Variants in SLC38A8 observed in about 807,000 individuals in gnomAD.
The protein encoded by SLC38A8 is amino acid transporter SLC38A8.
In SLC38A8, 65 loss-of-function variants were observed where a neutral mutation model predicts 46.0. The observed-to-expected ratio is 1.41, with a 90% CI of 1.16 to 1.74. SLC38A8 has a LOEUF of 1.74. Ranked by LOEUF, SLC38A8 falls within the 40% of genes most tolerant of loss-of-function variation. The pLI is 0.00. For missense variants in SLC38A8, 998 were observed against 567.9 expected (o/e 1.76, Z -7.70); for synonymous variants, 447 against 243.7 (o/e 1.83, Z -7.77).
chr16:84,036,921 C>G, intron 2 of SLC38A8, 21 bp from the exon 3 acceptor site: 3 of 1,595,112 alleles, frequency 1.9e-6, no homozygotes. Flanking sequence ...GGAGCAGGAC[C>G]TGGAACTGGG....
chr16:84,024,454 C>T (rs765714037), intron 6 of SLC38A8, among the ~76,000 whole-genome samples: 2 of 151,902 alleles, frequency 1.3e-5, no homozygotes, highest in Non-Finnish European at 2.9e-5. Context: ...GCTGAGATTA[C>T]AAGTACGAGC....
intron 9 of SLC38A8, among the ~76,000 whole-genome samples, chr16:84,015,074 G>A (rs1478846908): frequency 6.6e-6 from 1 of 152,126 alleles, no homozygotes; most frequent in East Asian, 1.9e-4. Context: ...GGGGATACCT[G>A]GCTAAGGGTC....
chr16:84,037,458 G>A (rs957306687), intron 2 of SLC38A8, among the ~76,000 whole-genome samples: 1 of 152,206 alleles, frequency 6.6e-6, no homozygotes, highest in Non-Finnish European at 1.5e-5. Flanking sequence ...CAGCGTGTCA[G>A]TGCTCAAGAA....
chr16:84,013,930 G>A (rs959856002), intron 9 of SLC38A8, among the ~76,000 whole-genome samples: 4 of 152,114 alleles, frequency 2.6e-5, no homozygotes, highest in East Asian at 1.9e-4. Context: ...TGTGAGGGAG[G>A]AGCCACGTGG....
Position 84,022,866 on chromosome 16 carries a change from G to A in SLC38A8, c.714C>T (p.Ile238=). ...GGCTCCGTTTGCGCATGCTGCAGTA[G>A]ATGGAGACGGCAGCTTCGTGACACT... ...GFQCHEAAVS[I]YCSMRKRSLS... Residue 238 remains isoleucine, a synonymous_variant, in exon 7 of 11, where the codon ATC becomes ATT. Coordinates refer to ENST00000299709, the MANE Select transcript of SLC38A8 (RefSeq NM_001080442.3). The A allele has an allele frequency of 6.2e-7, 1 of 1,607,822 alleles. No individual in the cohort carries two copies. Among genetic ancestry groups the A allele is most frequent in the Non-Finnish European group, 8.5e-7 (1 of 1,177,744 alleles).
At chr16:84,011,648 G>A (rs908230554) in intron 10 of SLC38A8, among the ~76,000 whole-genome samples, 1 of 152,220 alleles carries the variant, frequency 6.6e-6, no homozygotes, top group African/African-American at 2.4e-5. Flanking sequence ...TTTTGCAGAT[G>A]TAATTAAGGA....
intron 2 of SLC38A8, among the ~76,000 whole-genome samples, chr16:84,039,281 T>C (rs2085340069): frequency 6.6e-6 from 1 of 152,208 alleles, no homozygotes; most frequent in South Asian, 2.1e-4. Context: ...TGGTAATATG[T>C]TATAGCAGCC....
rs576417421 is a variant in SLC38A8 at position 84,016,796 on chromosome 16, C to T, written c.954-69G>A. The T allele has an allele frequency of 9.9e-6, 15 of 1,507,892 alleles. No homozygotes were observed. The East Asian group carries it at 3.5e-4, about 36-fold the overall frequency. 93.4% of individuals were successfully genotyped at this position (1,507,892 alleles called of 1,614,324 possible). A position where few individuals can be genotyped will look rare whatever the true frequency, so the allele number is the denominator to read the frequency against. On this transcript the variant is annotated intron_variant, in intron 8 of 10. Transcript: ENST00000299709. ...ACCAGCCTCCACCCGACAGCTGCTC[C>T]CCAGTCCTCCAGGAGTCCCCTCACA...
At chr16:84,028,570 GAA>G (rs34104203) in intron 6 of SLC38A8, among the ~76,000 whole-genome samples, 2 of 139,298 alleles carry the variant, frequency 1.4e-5, no homozygotes, top group Non-Finnish European at 3.1e-5. Flanking sequence ...CTCAAAAAAA[GAA>G]AAAAAAAAAA....
intron 9 of SLC38A8, among the ~76,000 whole-genome samples, chr16:84,014,379 T>C (rs1376624786): frequency 7.3e-6 from 1 of 137,496 alleles, no homozygotes; most frequent in Non-Finnish European, 1.5e-5. Context: ...TGTGGCCACA[T>C]CCCCATCAAT....
intron 7 of SLC38A8, among the ~76,000 whole-genome samples, chr16:84,017,894 G>A (rs2085049531): frequency 6.6e-6 from 1 of 152,124 alleles, no homozygotes; most frequent in African/African-American, 2.4e-5. Flanking sequence ...CTGGCAGTGG[G>A]AACATGTGGA....
At chr16:84,033,138 A>G (rs1406498180) in intron 4 of SLC38A8, among the ~76,000 whole-genome samples, 190 bp downstream of exon 4, 2 of 152,186 alleles carry the variant, frequency 1.3e-5, no homozygotes, top group East Asian at 3.9e-4. Context: ...GTTACAGGTC[A>G]TTTTCTTCTT....
At chr16:84,041,647 G>A (rs571240614) in intron 2 of SLC38A8, among the ~76,000 whole-genome samples, 1 of 152,196 alleles carries the variant, frequency 6.6e-6, no homozygotes, top group Non-Finnish European at 1.5e-5. Flanking sequence ...CAGCAGGCAA[G>A]AAAGAGCAGC....
Position 84,031,958 on chromosome 16 carries a change from T to A in SLC38A8, c.541A>T (p.Thr181Ser). 1.4e-5 allele frequency: 22 copies of A among 1,614,050 alleles called. No individual in the cohort carries two copies. Among genetic ancestry groups the A allele is most frequent in the Non-Finnish European group, 1.9e-5 (22 of 1,179,988 alleles). The stretch of plus-strand genomic sequence containing the variant: ...AGGGCCAGGTAACAGGCAGCCAGAG[T>A]GCCTAGGATGCTAACACAGTGACCG... ...AFQKYTSILG[T>S]LAACYLALVI... Residue 181 changes from threonine (T) to serine (S), a missense_variant, in exon 5 of 11, where the codon ACT becomes TCT. Thr to Ser is a moderately conservative substitution (Grantham distance 58). Transcript: ENST00000299709.
chr16:84,012,949 T>C lies in SLC38A8; in HGVS notation c.1214+52A>G, dbSNP rs377566753. 5.1e-5 allele frequency: 81 copies of C among 1,593,200 alleles called. No homozygotes were observed. The African/African-American group carries it at 1.0e-3, about 20-fold the overall frequency. ...TCTGCAGGGTCCCCTGAAACATTCTTACTCTGATCCGGGGCACACCCAGGG... is the reference window on the plus strand; with the variant it reads ...TCTGCAGGGTCCCCTGAAACATTCTCACTCTGATCCGGGGCACACCCAGGG... On this transcript the variant is annotated intron_variant, in intron 10 of 10. Transcript: ENST00000299709.
In SLC38A8 at chr16:84,033,368, G is replaced by C. The variant is rs761309344; in HGVS notation, c.490C>G (p.Leu164Val). The change falls in exon 4 of 11, where the codon CTG (leucine) becomes GTG (valine). Residue 164 changes from leucine to valine, a missense_variant. By Grantham distance (32) the Leu-to-Val change is conservative. Coordinates refer to ENST00000299709, the MANE Select transcript of SLC38A8 (RefSeq NM_001080442.3). ...PLLSVLVILP[L>V]SAPREIAFQK... ...AAGGCGATCTCCCGCGGGGCAGACAGGGGCAGGATGACCAGCACGGAGAGC... is the reference window on the plus strand; with the variant it reads ...AAGGCGATCTCCCGCGGGGCAGACACGGGCAGGATGACCAGCACGGAGAGC... 6.2e-7 allele frequency: 1 copy of C among 1,613,954 alleles called. No homozygotes were observed. Among genetic ancestry groups the C allele is most frequent in the Admixed American group, 1.7e-5 (1 of 60,002 alleles).
At position 84,019,246 on chromosome 16, in the gene SLC38A8, TTC is replaced by T. The variant is rs377320748; in HGVS notation, c.806-1961_806-1960del. On this transcript the variant is annotated intron_variant, in intron 7 of 10. Transcript: ENST00000299709. ...CATGTCACCATGCTCGGCTATATTT[TTC>T]TGTTTTTAGTAGAAACGGGGTTTCA... Among the ~76,000 whole-genome samples, 10 of 152,172 alleles carry T rather than the reference TTC, an allele frequency of 6.6e-5. No individual in the cohort carries two copies. The East Asian group carries it at 1.9e-3, about 29-fold the overall frequency.
At chr16:84,018,068 T>TAAAGA (rs1007143474) in intron 7 of SLC38A8, among the ~76,000 whole-genome samples, 13 of 152,028 alleles carry the variant, frequency 8.6e-5, no homozygotes, top group African/African-American at 3.1e-4. Context: ...GGGCATCTCA[T>TAAAGA]AAAGAAAAGA....
chr16:84,027,448 C>T (rs1430900020), intron 6 of SLC38A8, among the ~76,000 whole-genome samples: 1 of 152,242 alleles, frequency 6.6e-6, no homozygotes, highest in Non-Finnish European at 1.5e-5. Context: ...CCCTCTGCTC[C>T]TGAGGCCCCT....
Sources: allele counts gnomAD v4.1 joint callset (sites outside exome capture counted in the v4.1 genomes callset), GRCh38; gene constraint gnomAD v4.1.1; transcripts MANE v1.5; gene names NCBI Gene and HGNC (gene_info 2026-07-23, HGNC 2026-07-21).